Variants in SORCS3 observed in about 807,000 individuals in gnomAD.
SORCS3 encodes VPS10 domain-containing receptor SorCS3.
Under a neutral mutation model 146.3 loss-of-function variants are expected in SORCS3, and 57 were observed. That is an observed-to-expected ratio of 0.39 (90% CI 0.31 to 0.49). The LOEUF (loss-of-function observed/expected upper bound fraction) is 0.49. Ranked by LOEUF, SORCS3 falls within the 20% of genes least tolerant of loss-of-function variation. SORCS3 has a pLI of 0.92. For missense variants in SORCS3, 1,341 were observed against 1,575.5 expected, an observed-to-expected ratio of 0.85 and a Z score of 2.52; for synonymous variants, 653 against 618.5, an observed-to-expected ratio of 1.06 and a Z score of -0.83.
intron 1 of SORCS3, among the ~76,000 whole-genome samples, chr10:104,801,115 G>C (rs2133509458): frequency 6.6e-6 from 1 of 152,288 alleles, no homozygotes; most frequent in South Asian, 2.1e-4. Flanking sequence ...ACAGTCAGAT[G>C]GCCTGGGATC....
chr10:104,894,890 T>C (rs2018783943), intron 2 of SORCS3, among the ~76,000 whole-genome samples: 1 of 152,200 alleles, frequency 6.6e-6, no homozygotes. Context: ...CAACGGTTCA[T>C]TGCACAGCAT....
At chr10:104,931,488 C>A (rs1396011893) in intron 3 of SORCS3, among the ~76,000 whole-genome samples, 2 of 152,120 alleles carry the variant, frequency 1.3e-5, no homozygotes, top group Admixed American at 1.3e-4. Context: ...TTAAATAAGA[C>A]CTTTAAGGCT....
chr10:104,918,981 T>C (rs2019059954), intron 3 of SORCS3, among the ~76,000 whole-genome samples: 1 of 152,226 alleles, frequency 6.6e-6, no homozygotes, highest in African/African-American at 2.4e-5. Flanking sequence ...TGTCTTTTGC[T>C]GTTTTTTTCT....
At chr10:104,662,769 T>A (rs2015718878) in intron 1 of SORCS3, among the ~76,000 whole-genome samples, 1 of 152,218 alleles carries the variant, frequency 6.6e-6, no homozygotes, top group East Asian at 1.9e-4. Context: ...TAATAGGGTG[T>A]TTTTCGGAAC....
chr10:104,721,359 A>T (rs1191275255), intron 1 of SORCS3, among the ~76,000 whole-genome samples: 1 of 152,200 alleles, frequency 6.6e-6, no homozygotes, highest in African/African-American at 2.4e-5. Flanking sequence ...TACCAGTACC[A>T]TGCTGTTTTG....
intron 4 of SORCS3, among the ~76,000 whole-genome samples, chr10:105,013,584 A>G (rs917776415): frequency 1.3e-5 from 2 of 152,184 alleles, no homozygotes; most frequent in African/African-American, 2.4e-5. Flanking sequence ...TATACACAGT[A>G]TATCTTGTTT....
intron 4 of SORCS3, among the ~76,000 whole-genome samples, chr10:105,040,599 T>C (rs2055332380): frequency 6.6e-6 from 1 of 152,184 alleles, no homozygotes; most frequent in African/African-American, 2.4e-5. Flanking sequence ...TGTCTGTAAG[T>C]GTATATGAAG....
At chr10:105,071,660 T>C (rs1564747236) in intron 5 of SORCS3, among the ~76,000 whole-genome samples, 1 of 152,244 alleles carries the variant, frequency 6.6e-6, no homozygotes, top group Non-Finnish European at 1.5e-5. Context: ...CATTTATCCT[T>C]TGAGTTATGT....
intron 22 of SORCS3, among the ~76,000 whole-genome samples, chr10:105,249,609 C>T (rs1021950619): frequency 7.2e-5 from 11 of 152,016 alleles, no homozygotes; most frequent in South Asian, 2.1e-4. Flanking sequence ...GGGCTGGGAG[C>T]GGTGGCTCAT....
intron 1 of SORCS3, among the ~76,000 whole-genome samples, chr10:104,824,010 A>G (rs1249394402): frequency 6.6e-6 from 1 of 152,156 alleles, no homozygotes; most frequent in Non-Finnish European, 1.5e-5. Context: ...GGAATGGGGG[A>G]AAAGAAAACT....
At chr10:105,186,106 G>A (rs560918280) in intron 14 of SORCS3, among the ~76,000 whole-genome samples, 1 of 152,134 alleles carries the variant, frequency 6.6e-6, no homozygotes, top group African/African-American at 2.4e-5. Flanking sequence ...ATGCCTCCAG[G>A]TACATACATG....
Position 105,228,861 on chromosome 10 carries a change from C to T in SORCS3, c.2868+5612C>T, listed in dbSNP as rs112399384. Among the ~76,000 whole-genome samples, 168 of 152,254 alleles carry T rather than the reference C, an allele frequency of 1.1e-3. 2 individuals carry two copies. The highest frequency in any genetic ancestry group is 3.7e-3 in the African/African-American group (155 of 41,566). Reference sequence around the variant, plus strand: ...TTACTTTGCATCTTTTTGGAACTATCGGAGCCTTCTGAATCTGGATATCTA... The same window carrying T: ...TTACTTTGCATCTTTTTGGAACTATTGGAGCCTTCTGAATCTGGATATCTA... On this transcript the variant is annotated intron_variant, in intron 20 of 26. Transcript: ENST00000369701.
chr10:105,142,665 C>T (rs2056103541), intron 8 of SORCS3, among the ~76,000 whole-genome samples: 1 of 152,114 alleles, frequency 6.6e-6, no homozygotes, highest in Non-Finnish European at 1.5e-5. Flanking sequence ...TCGATCATGC[C>T]ACCTGCACAC....
chr10:105,094,255 A>G (rs1271637130), intron 6 of SORCS3, among the ~76,000 whole-genome samples: 1 of 152,204 alleles, frequency 6.6e-6, no homozygotes, highest in East Asian at 1.9e-4. Context: ...GGATGATGTC[A>G]TTGTTCTGTA....
intron 2 of SORCS3, among the ~76,000 whole-genome samples, chr10:104,895,864 T>C (rs1444799109): frequency 6.6e-6 from 1 of 152,188 alleles, no homozygotes; most frequent in Non-Finnish European, 1.5e-5. Context: ...CCCAACCATA[T>C]GGTATGAGGA....
intron 1 of SORCS3, among the ~76,000 whole-genome samples, chr10:104,706,773 C>G (rs1423901066): frequency 3.9e-5 from 6 of 152,138 alleles, no homozygotes; most frequent in African/African-American, 1.4e-4. Context: ...TTTATTTATA[C>G]CTACATAAAC....
chr10:104,819,753 C>T (rs535190408), intron 1 of SORCS3, among the ~76,000 whole-genome samples: 1 of 152,254 alleles, frequency 6.6e-6, no homozygotes, highest in East Asian at 1.9e-4. Context: ...GACATCTAAG[C>T]CTTGCCAGGT....
At chr10:104,685,576 A>G (rs1320550026) in intron 1 of SORCS3, among the ~76,000 whole-genome samples, 14 of 152,206 alleles carry the variant, frequency 9.2e-5, no homozygotes, top group Admixed American at 8.5e-4. Flanking sequence ...TCAGCCAAGC[A>G]GTGCCTCTCC....
At chr10:104,696,705 GTA>G (rs2016217804) in intron 1 of SORCS3, among the ~76,000 whole-genome samples, 1 of 60,394 alleles carries the variant, frequency 1.7e-5, no homozygotes, top group African/African-American at 7.8e-5. Context: ...TATTATATAC[GTA>G]TATATAATAT....
Sources: allele counts gnomAD v4.1 joint callset (sites outside exome capture counted in the v4.1 genomes callset), GRCh38; gene constraint gnomAD v4.1.1; transcripts MANE v1.5; gene names NCBI Gene and HGNC (gene_info 2026-07-23, HGNC 2026-07-21).